The following TAFA2 variants were observed in gnomAD, a reference collection of about 807,000 sequenced individuals.
TAFA2 encodes the protein TAFA chemokine like family member 2.
Under a neutral mutation model 18.8 loss-of-function variants are expected in TAFA2, and 7 were observed. The ratio of observed to expected loss-of-function variants is 0.37; its 90% confidence interval spans 0.21 to 0.70. TAFA2 has a LOEUF of 0.70. TAFA2 is among the 30% of genes least tolerant of loss of function. The pLI, the probability that TAFA2 is intolerant of heterozygous loss-of-function variation, is 0.53. For missense variants in TAFA2, 122 were observed against 158.1 expected (o/e 0.77, Z 1.23); for synonymous variants, 60 against 54.2 (o/e 1.11, Z -0.47).
At chr12:61,891,334 A>G (rs929238947) in intron 1 of TAFA2, among the ~76,000 whole-genome samples, 1 of 152,124 alleles carries the variant, frequency 6.6e-6, no homozygotes, top group Non-Finnish European at 1.5e-5. Flanking sequence ...AGCAGAATCA[A>G]TAGAAGAATC....
intron 1 of TAFA2, among the ~76,000 whole-genome samples, chr12:61,961,804 C>A (rs763978063): frequency 8.6e-5 from 13 of 152,008 alleles, no homozygotes; most frequent in Non-Finnish European, 1.8e-4. Context: ...ACATTTCTTT[C>A]AATCTCTTCT....
chr12:61,915,659 C>T (rs1432129583), intron 1 of TAFA2, among the ~76,000 whole-genome samples: 1 of 152,138 alleles, frequency 6.6e-6, no homozygotes, highest in Non-Finnish European at 1.5e-5. Context: ...CAGTCCAAGG[C>T]CAAAGGTCTG....
intron 4 of TAFA2, among the ~76,000 whole-genome samples, chr12:61,734,459 A>G (rs1389364595): frequency 5.3e-5 from 8 of 151,564 alleles, no homozygotes; most frequent in Admixed American, 2.6e-4. Context: ...GCACATGTAT[A>G]CATATGTAAC....
At chr12:61,760,762 G>T (rs1208831925) in intron 2 of TAFA2, among the ~76,000 whole-genome samples, 3 of 151,024 alleles carry the variant, frequency 2.0e-5, no homozygotes, top group Non-Finnish European at 4.4e-5. Context: ...AACAAAATAG[G>T]CTTCACAGAA....
intron 1 of TAFA2, chr12:62,253,667 A>T (rs1183899932): frequency 6.6e-6 from 1 of 152,236 alleles, no homozygotes; most frequent in Non-Finnish European, 1.5e-5. Flanking sequence ...GGCCATAACC[A>T]GGAAAGTGTC....
At chr12:62,208,029 G>C (rs781448021) in intron 1 of TAFA2, among the ~76,000 whole-genome samples, 8 of 152,114 alleles carry the variant, frequency 5.3e-5, no homozygotes, top group Non-Finnish European at 1.0e-4. Context: ...GGCAATCTTG[G>C]TCTCATTCCC....
At chr12:61,915,588 G>A (rs1876789406) in intron 1 of TAFA2, among the ~76,000 whole-genome samples, 1 of 152,216 alleles carries the variant, frequency 6.6e-6, no homozygotes, top group Non-Finnish European at 1.5e-5. Flanking sequence ...CTAGGAACTA[G>A]TGTTGTAATT....
intron 1 of TAFA2, among the ~76,000 whole-genome samples, chr12:62,201,668 T>C (rs2062671622): frequency 6.6e-6 from 1 of 152,236 alleles, no homozygotes; most frequent in Non-Finnish European, 1.5e-5. Flanking sequence ...TTGATGTTCA[T>C]CAGGGACATT....
chr12:61,812,001 C>G (rs1871890300), intron 2 of TAFA2, among the ~76,000 whole-genome samples: 1 of 151,182 alleles, frequency 6.6e-6, no homozygotes, highest in Non-Finnish European at 1.5e-5. Context: ...CCTCTTTCCC[C>G]TATGTGGTAT....
At chr12:61,989,298 G>C (rs963706554) in intron 1 of TAFA2, among the ~76,000 whole-genome samples, 1 of 152,042 alleles carries the variant, frequency 6.6e-6, no homozygotes, top group Non-Finnish European at 1.5e-5. Context: ...AATAACATCT[G>C]CCCTATACAA....
chr12:62,118,515 T>C (rs192991736), intron 1 of TAFA2, among the ~76,000 whole-genome samples: 1 of 152,250 alleles, frequency 6.6e-6, no homozygotes, highest in African/African-American at 2.4e-5. Context: ...TCATATGATA[T>C]ATGAATGTTC....
intron 2 of TAFA2, among the ~76,000 whole-genome samples, chr12:61,805,209 G>A (rs930943769): frequency 6.6e-6 from 1 of 151,700 alleles, no homozygotes; most frequent in Non-Finnish European, 1.5e-5. Flanking sequence ...AATGACATCT[G>A]AAGAAATGCT....
In TAFA2 at chr12:61,768,812, G is replaced by A. The variant is rs192251983; in HGVS notation, c.107-13788C>T. ...TTTTGTAACAATTTTGACTGAACAT[G>A]AAGTTTCCTAGACAGAATCTGGGGG... On this transcript the variant is annotated intron_variant, in intron 2 of 4. Coordinates refer to ENST00000416284, the MANE Select transcript of TAFA2 (RefSeq NM_178539.5). Among the ~76,000 whole-genome samples the A allele has an allele frequency of 4.6e-5, 7 of 152,184 alleles. No individual in the cohort carries two copies. The East Asian group carries it at 1.2e-3, about 25-fold the overall frequency.
chr12:62,041,397 T>C (rs1592299576), intron 1 of TAFA2, among the ~76,000 whole-genome samples: 2 of 152,174 alleles, frequency 1.3e-5, no homozygotes, highest in Non-Finnish European at 2.9e-5. Context: ...AAAAAAGTTA[T>C]TAAAGTGAGG....
chr12:61,868,787 G>C lies in TAFA2; in HGVS notation c.-1-1361C>G, dbSNP rs376872759. 4.6e-5 allele frequency among the ~76,000 whole-genome samples: 7 copies of C among 152,062 alleles called. No individual in the cohort carries two copies. In the East Asian group the frequency reaches 1.2e-3, roughly 25 times the overall value. ...TAGGGATTACTTCAAATGTTTAGAT[G>C]GCAATATTTTAAGAATAAAAACATG... On this transcript the variant is annotated intron_variant, in intron 1 of 4. Transcript: ENST00000416284.
At chr12:61,857,759 AC>A (rs1170181709) in intron 2 of TAFA2, among the ~76,000 whole-genome samples, 1 of 149,426 alleles carries the variant, frequency 6.7e-6, no homozygotes, top group Non-Finnish European at 1.5e-5. Flanking sequence ...CTGAAGGTTC[AC>A]CCCCTCCTTC....
At chr12:61,911,018 A>T (rs1876587423) in intron 1 of TAFA2, among the ~76,000 whole-genome samples, 1 of 152,202 alleles carries the variant, frequency 6.6e-6, no homozygotes, top group Non-Finnish European at 1.5e-5. Context: ...ATGGCTGAAG[A>T]GTTACATCAT....
chr12:61,988,418 G>T (rs1879888875), intron 1 of TAFA2, among the ~76,000 whole-genome samples: 1 of 152,096 alleles, frequency 6.6e-6, no homozygotes, highest in South Asian at 2.1e-4. Flanking sequence ...AGGAAGTAAT[G>T]AAATCAAAAC....
intron 1 of TAFA2, among the ~76,000 whole-genome samples, chr12:62,155,164 G>A (rs942327456): frequency 1.2e-4 from 18 of 152,152 alleles, no homozygotes; most frequent in African/African-American, 4.1e-4. Flanking sequence ...ACCAAGTGGA[G>A]AATCAAATCA....
Sources: gnomAD v4.1 joint callset for allele counts (sites outside exome capture counted in the v4.1 genomes callset) on GRCh38, gnomAD v4.1.1 for gene constraint, MANE v1.5 for transcripts, NCBI Gene and HGNC (gene_info 2026-07-23, HGNC 2026-07-21) for gene names.